AGO1: variants seen among roughly 807,000 people sequenced by gnomAD.
AGO1 encodes protein argonaute-1.
Under a neutral mutation model 109.2 loss-of-function variants are expected in AGO1, and 11 were observed. The ratio of observed to expected loss-of-function variants is 0.10; its 90% CI spans 0.06 to 0.17. The LOEUF (loss-of-function observed/expected upper bound fraction) is 0.17, where lower values mean the gene tolerates loss of function less well. Among genes scored for constraint, AGO1 ranks in the 10% least tolerant of loss-of-function variants. AGO1 has a pLI of 1.00. For synonymous variants in AGO1, 422 were observed against 418.6 expected (o/e 1.01, Z -0.10); for missense variants, 574 against 1,140.3 (o/e 0.50, Z 7.15).
chr1:35,909,378 T>C (rs1645591384), intron 12 of AGO1, among the ~76,000 whole-genome samples: 1 of 152,202 alleles, frequency 6.6e-6, no homozygotes, highest in African/African-American at 2.4e-5. Context: ...CTAACCTTTC[T>C]AAGCATCATG....
chr1:35,900,624 C>T (rs149723689), intron 8 of AGO1, among the ~76,000 whole-genome samples: 51 of 152,168 alleles, frequency 3.4e-4, no homozygotes, highest in African/African-American at 1.0e-3. Context: ...CTACTTGGAA[C>T]GCTGAGGCAG....
At chr1:35,916,999 A>G (rs1049659028) in intron 15 of AGO1, among the ~76,000 whole-genome samples, 1 of 152,216 alleles carries the variant, frequency 6.6e-6, no homozygotes, top group Non-Finnish European at 1.5e-5. Context: ...TCCAAAGTCT[A>G]TCCTTCTCTA....
In AGO1 at chr1:35,888,991, T is replaced by G. The variant is rs1645167042; in HGVS notation, c.209+381T>G. 6.6e-6 allele frequency among the ~76,000 whole-genome samples: 1 copy of G among 150,970 alleles called. No homozygotes were observed. The highest frequency in any genetic ancestry group is 1.5e-5 in the Non-Finnish European group (1 of 67,864). ...AGTAAAGAGGGAGAGGTTAAAGGTATGGGACAGAGGGGAGAAATGAATGGG... is the reference window on the plus strand; with the variant it reads ...AGTAAAGAGGGAGAGGTTAAAGGTAGGGGACAGAGGGGAGAAATGAATGGG... On this transcript the variant is annotated intron_variant, in intron 2 of 18. Transcript: ENST00000373204. The surrounding 1 kb of genome is among the most constrained non-coding windows in gnomAD (Gnocchi z 4.1).
Position 35,918,343 on chromosome 1 carries a change from C to T in AGO1, c.2185C>T (p.Pro729Ser). Residue 729 changes from proline (P) to serine (S), a missense_variant, in exon 17 of 19, where the codon CCA (proline) becomes TCA (serine). By Grantham distance (74) the Pro-to-Ser change is moderately conservative. This residue lies in a region of AGO1 where 62 missense variants were observed against 192.0 expected (regional missense o/e 0.32). Coordinates refer to ENST00000373204, the MANE Select transcript of AGO1 (RefSeq NM_012199.5). ...ACAGATTGGGAAGAGTGGTAACATCCCAGCTGGGACCACAGTGGACACCAA... is the reference window on the plus strand; with the variant it reads ...ACAGATTGGGAAGAGTGGTAACATCTCAGCTGGGACCACAGTGGACACCAA... ...NERIGKSGNI[P>S]AGTTVDTNIT... 1 of 1,614,034 alleles carries T rather than the reference C, an allele frequency of 6.2e-7. No individual in the cohort carries two copies. Among genetic ancestry groups the T allele is most frequent in the Non-Finnish European group, 8.5e-7 (1 of 1,179,966 alleles).
rs1645938531 is a variant in AGO1 at position 35,926,871 on chromosome 1, A to G, written c.*7264A>G. 6.6e-6 allele frequency: 1 copy of G among 151,774 alleles called. No homozygotes were observed. The highest frequency in any genetic ancestry group is 1.5e-5 in the Non-Finnish European group (1 of 67,998). The allele number at this position is 151,774 out of a possible 1,614,324, so 9.4% of individuals were successfully genotyped here. A position where few individuals can be genotyped will look rare whatever the true frequency, so the allele number is the denominator to read the frequency against. The stretch of plus-strand genomic sequence containing the variant: ...GGCCTTTGTGGCTTACCCTGCAGGA[A>G]CATACTGTGTCCTGTTGTTCTGGAC... On this transcript the variant is annotated 3_prime_UTR_variant, in exon 19 of 19. Transcript: ENST00000373204.
chr1:35,893,529 G>A lies in AGO1; in HGVS notation c.513-145G>A. On this transcript the variant is annotated intron_variant, in intron 4 of 18. Coordinates refer to ENST00000373204, the MANE Select transcript of AGO1 (RefSeq NM_012199.5). This position sits in a 1 kb window ranked among gnomAD's most constrained non-coding sequence, Gnocchi z 5.6. The stretch of plus-strand genomic sequence containing the variant: ...GAGAGAAGGTAGAAACTTGTACAAG[G>A]TCAGTCATACAACTAGTAAAGCATC... The A allele has an allele frequency of 1.1e-6, 1 of 925,570 alleles. No individual in the cohort carries two copies. The highest frequency in any genetic ancestry group is 1.6e-6 in the Non-Finnish European group (1 of 633,292). 57.3% of individuals were successfully genotyped at this position (925,570 alleles called of 1,614,324 possible). A position where few individuals can be genotyped will look rare whatever the true frequency, so the allele number is the denominator to read the frequency against.
chr1:35,922,875 C>G lies in AGO1; in HGVS notation c.*3268C>G, dbSNP rs1645859555. The G allele has an allele frequency of 6.6e-6, 1 of 152,390 alleles. No homozygotes were observed. The highest frequency in any genetic ancestry group is 6.5e-5 in the Admixed American group (1 of 15,284). 9.4% of individuals were successfully genotyped at this position (152,390 alleles called of 1,614,324 possible). ...TGTCCACTCCTTGGAGCTGGTTTCTCTCATTGCTTTTTCTAAATCTGGTTC... is the reference window on the plus strand; with the variant it reads ...TGTCCACTCCTTGGAGCTGGTTTCTGTCATTGCTTTTTCTAAATCTGGTTC... On this transcript the variant is annotated 3_prime_UTR_variant, in exon 19 of 19. Coordinates refer to ENST00000373204, the MANE Select transcript of AGO1 (RefSeq NM_012199.5).
In AGO1 at chr1:35,915,455, C is replaced by T. The variant is rs775362502; in HGVS notation, c.1941C>T (p.Leu647=). Residue 647 remains leucine, a synonymous_variant, in exon 15 of 19, where the codon CTC becomes CTT. Transcript: ENST00000373204. ...ACTTGTCCTACATGGTGCGTGAGCT[C>T]CTCATCCAATTCTACAAGTCCACCC... ...IEDLSYMVRE[L]LIQFYKSTRF... 6.2e-7 allele frequency: 1 copy of T among 1,613,996 alleles called. No individual in the cohort carries two copies. Among genetic ancestry groups the T allele is most frequent in the Non-Finnish European group, 8.5e-7 (1 of 1,180,052 alleles).
Position 35,901,129 on chromosome 1 carries a change from C to T in AGO1, c.1021-345C>T, listed in dbSNP as rs1430318780. 4.0e-5 allele frequency among the ~76,000 whole-genome samples: 6 copies of T among 151,716 alleles called. No individual in the cohort carries two copies. Among genetic ancestry groups the T allele is most frequent in the East Asian group, 3.9e-4 (2 of 5,072 alleles). On this transcript the variant is annotated intron_variant, in intron 8 of 18. Coordinates refer to ENST00000373204, the MANE Select transcript of AGO1 (RefSeq NM_012199.5). This position sits in a 1 kb window ranked among gnomAD's most constrained non-coding sequence, Gnocchi z 4.8. ...CTGAGTAGCTGGGATTACAGGCGCACGCCACCATGCCTGGCTAATTTTTGT... is the reference window on the plus strand; with the variant it reads ...CTGAGTAGCTGGGATTACAGGCGCATGCCACCATGCCTGGCTAATTTTTGT...
At chr1:35,895,340 T>C in intron 8 of AGO1, 71 bp downstream of exon 8, 2 of 1,482,898 alleles carry the variant, frequency 1.3e-6, no homozygotes, top group Non-Finnish European at 1.8e-6. Context: ...AGATGTCTGT[T>C]CTTTCATTTT....
chr1:35,916,461 G>A (rs1237805752), intron 15 of AGO1, among the ~76,000 whole-genome samples: 1 of 152,008 alleles, frequency 6.6e-6, no homozygotes, highest in Non-Finnish European at 1.5e-5. Context: ...TCTGCCTCCC[G>A]GGCTCAAGCG....
intron 2 of AGO1, among the ~76,000 whole-genome samples, chr1:35,889,172 A>G (rs1191148237): frequency 2.0e-5 from 3 of 148,584 alleles, no homozygotes; most frequent in African/African-American, 7.5e-5. Flanking sequence ...ATTTAGAGGA[A>G]GTGATATTTC....
chr1:35,905,476 C>T (rs750757712), intron 11 of AGO1, among the ~76,000 whole-genome samples: 8 of 151,994 alleles, frequency 5.3e-5, no homozygotes, highest in Non-Finnish European at 7.4e-5. Flanking sequence ...TAGTCCCATT[C>T]CTCCCTTCTT....
In AGO1 at chr1:35,902,293, C is replaced by T. The variant is rs760403306; in HGVS notation, c.1353C>T (p.Ile451=). The change falls in exon 11 of 19, where the codon ATC becomes ATT. Residue 451 remains isoleucine (I), a synonymous_variant. Coordinates refer to ENST00000373204, the MANE Select transcript of AGO1 (RefSeq NM_012199.5). Reference sequence around the variant, plus strand: ...GGATTGAGATCAAAGTCTGGGCCATCGCCTGCTTCGCACCCCAAAAACAGT... The same window carrying T: ...GGATTGAGATCAAAGTCTGGGCCATTGCCTGCTTCGCACCCCAAAAACAGT... ...YNGIEIKVWA[I]ACFAPQKQCR... 4.3e-6 allele frequency: 7 copies of T among 1,614,152 alleles called. No individual in the cohort carries two copies. The highest frequency in any genetic ancestry group is 1.7e-5 in the Admixed American group (1 of 60,028).
At position 35,927,311 on chromosome 1, in the gene AGO1, T is replaced by C. The variant is rs536507609; in HGVS notation, c.*7704T>C. 1 of 152,308 alleles carries C rather than the reference T, an allele frequency of 6.6e-6. No homozygotes were observed. Among genetic ancestry groups the C allele is most frequent in the South Asian group, 2.1e-4 (1 of 4,830 alleles). 9.4% of individuals were successfully genotyped at this position (152,308 alleles called of 1,614,324 possible). A position where few individuals can be genotyped will look rare whatever the true frequency, so the allele number is the denominator to read the frequency against. On this transcript the variant is annotated 3_prime_UTR_variant, in exon 19 of 19. Transcript: ENST00000373204. ...AACTATCATTTCATATGACAAGAAA[T>C]CCTAATTTAATGTTACTCCAAGGTT...
At chr1:35,874,233 T>G (rs571900066) in intron 1 of AGO1, among the ~76,000 whole-genome samples, 2 of 152,320 alleles carry the variant, frequency 1.3e-5, no homozygotes, top group African/African-American at 4.8e-5. Flanking sequence ...AGAGGCATGA[T>G]CATGGCTCAC....
rs1258936672 is a variant in AGO1, at chr1:35,926,631, T to C, written c.*7024T>C. ...CGAATTGGAAAATTAGCTCACCATT[T>C]TTGTTCTAGCTTTGCAGACATTTAT... is the stretch of plus-strand genomic sequence containing the variant. On this transcript the variant is annotated 3_prime_UTR_variant, in exon 19 of 19. Coordinates refer to ENST00000373204, the MANE Select transcript of AGO1 (RefSeq NM_012199.5). 1 of 152,252 alleles carries C rather than the reference T, an allele frequency of 6.6e-6. No homozygotes were observed. Among genetic ancestry groups the C allele is most frequent in the East Asian group, 1.9e-4 (1 of 5,194 alleles). 9.4% of individuals were successfully genotyped at this position (152,252 alleles called of 1,614,324 possible).
chr1:35,885,573 A>G (rs1004305521), intron 1 of AGO1, among the ~76,000 whole-genome samples: 25 of 152,222 alleles, frequency 1.6e-4, no homozygotes, highest in African/African-American at 6.0e-4. Context: ...GTGGTGTCCC[A>G]AGGTGGCCTG....
In AGO1 at chr1:35,902,196, A is replaced by C. The variant is rs1645429968; in HGVS notation, c.1264-8A>C. 6.2e-7 allele frequency: 1 copy of C among 1,612,226 alleles called. No individual in the cohort carries two copies. The highest frequency in any genetic ancestry group is 8.5e-7 in the Non-Finnish European group (1 of 1,178,968). On this transcript the variant is annotated splice_polypyrimidine_tract_variant and splice_region_variant and intron_variant, in intron 10 of 18. Coordinates refer to ENST00000373204, the MANE Select transcript of AGO1 (RefSeq NM_012199.5). Reference sequence around the variant, plus strand: ...GCTCACCTAGGCGCCCCCTCTACCTATCCCCAGAACCGGGCCATTGCCACA... The same window carrying C: ...GCTCACCTAGGCGCCCCCTCTACCTCTCCCCAGAACCGGGCCATTGCCACA...
Sources: gnomAD v4.1 joint callset for allele counts (sites outside exome capture counted in the v4.1 genomes callset) on GRCh38, gnomAD v4.1.1 for gene constraint, gnomAD v4.1.1 regional missense constraint, Gnocchi (gnomAD v3.1) non-coding constraint, MANE v1.5 for transcripts, NCBI Gene and HGNC (gene_info 2026-07-23, HGNC 2026-07-21) for gene names.